Variants in UTRN observed in about 807,000 individuals in gnomAD.
UTRN encodes the protein dystrophin-related protein 1.
In UTRN, 283 loss-of-function variants were observed where a neutral mutation model predicts 463.9. The ratio of observed to expected loss-of-function variants is 0.61; its 90% confidence interval spans 0.55 to 0.67. The LOEUF is 0.67. Ranked by LOEUF, UTRN falls within the 30% of genes least tolerant of loss-of-function variation. The probability of loss-of-function intolerance (pLI) is 0.00; values close to 1 mark genes in which losing one functional copy is unlikely to be tolerated. For synonymous variants in UTRN, 1,442 were observed against 1,431.5 expected (o/e 1.01, Z -0.17); for missense variants, 3,922 against 4,084.3 (o/e 0.96, Z 1.08).
chr6:144,333,794 A>G (rs538823066), intron 2 of UTRN, among the ~76,000 whole-genome samples: 29 of 152,364 alleles, frequency 1.9e-4, no homozygotes, highest in Non-Finnish European at 3.1e-4. Flanking sequence ...ATGGGGAAAA[A>G]GATACACTTA....
At chr6:144,349,767 C>T (rs1777948771) in intron 2 of UTRN, among the ~76,000 whole-genome samples, 1 of 152,188 alleles carries the variant, frequency 6.6e-6, no homozygotes, top group African/African-American at 2.4e-5. Flanking sequence ...CTTGCGTTCT[C>T]TGACCCCTAC....
At chr6:144,435,421 G>A (rs901916422) in intron 9 of UTRN, among the ~76,000 whole-genome samples, 1 of 152,180 alleles carries the variant, frequency 6.6e-6, no homozygotes, top group Non-Finnish European at 1.5e-5. Context: ...ACAGCAGCCT[G>A]TGTGGCTGTC....
intron 4 of UTRN, 90 bp downstream of exon 4, chr6:144,422,060 C>T (rs1305408085): frequency 9.9e-7 from 1 of 1,006,556 alleles, no homozygotes; most frequent in Non-Finnish European, 1.4e-6. Flanking sequence ...GTGAAAGTAT[C>T]CATTTTACTT....
At chr6:144,833,383 G>A (rs866344047) in intron 69 of UTRN, among the ~76,000 whole-genome samples, 2 of 152,086 alleles carry the variant, frequency 1.3e-5, no homozygotes, top group African/African-American at 2.4e-5. Context: ...TTTTTCCACC[G>A]CTGAACATGA....
chr6:144,358,714 T>G (rs917909555), intron 2 of UTRN, among the ~76,000 whole-genome samples: 11 of 152,212 alleles, frequency 7.2e-5, no homozygotes, highest in Admixed American at 7.2e-4. Flanking sequence ...CAAGTGATCC[T>G]CCCACTTCAG....
intron 34 of UTRN, among the ~76,000 whole-genome samples, chr6:144,500,153 A>G (rs1794046064): frequency 6.6e-6 from 1 of 152,174 alleles, no homozygotes; most frequent in Admixed American, 6.5e-5. Flanking sequence ...TGGGTCAGTA[A>G]TCAGAATTCT....
chr6:144,337,771 C>T (rs1005171870), intron 2 of UTRN, among the ~76,000 whole-genome samples: 1 of 152,120 alleles, frequency 6.6e-6, no homozygotes, highest in Non-Finnish European at 1.5e-5. Context: ...CACGCCACCA[C>T]GCCTGGCTAA....
At chr6:144,386,955 G>T (rs1228494533) in intron 2 of UTRN, among the ~76,000 whole-genome samples, 1 of 151,820 alleles carries the variant, frequency 6.6e-6, no homozygotes, top group African/African-American at 2.4e-5. Flanking sequence ...GCTATTTATA[G>T]TAGTAGTTGG....
At chr6:144,532,954 T>C in intron 42 of UTRN, 131 bp from the exon 43 acceptor site, 1 of 483,906 alleles carries the variant, frequency 2.1e-6, no homozygotes, top group South Asian at 5.0e-5. Flanking sequence ...CTTTTTTTTC[T>C]AACATAAAAT....
In UTRN at chr6:144,740,518, A is replaced by G. The variant is rs930778740; in HGVS notation, c.7940-7728A>G. ...GCCTATAGACCACGACAATAATTTC[A>G]TTAGCTTCTCAAGTCCAAATTAGAT... On this transcript the variant is annotated intron_variant, in intron 54 of 74. Transcript: ENST00000367545. Among the ~76,000 whole-genome samples, 2 of 152,332 alleles carry G rather than the reference A, an allele frequency of 1.3e-5. 1 individual carries two copies. The highest frequency in any genetic ancestry group is 3.9e-4 in the East Asian group (2 of 5,188).
chr6:144,714,512 T>C (rs1205133242), intron 53 of UTRN, among the ~76,000 whole-genome samples: 1 of 152,228 alleles, frequency 6.6e-6, no homozygotes, highest in Non-Finnish European at 1.5e-5. Context: ...CACAGGGCTC[T>C]GCTCTTACAA....
chr6:144,498,660 C>CTTTT (rs570731157), intron 33 of UTRN, among the ~76,000 whole-genome samples: 11 of 145,758 alleles, frequency 7.5e-5, no homozygotes, highest in South Asian at 4.3e-4. Context: ...ACATAACAAT[C>CTTTT]TTTTTTTTTT....
intron 52 of UTRN, among the ~76,000 whole-genome samples, chr6:144,696,056 A>C (rs903601561): frequency 6.6e-6 from 1 of 152,218 alleles, no homozygotes; most frequent in African/African-American, 2.4e-5. Flanking sequence ...TCTATTAAAA[A>C]TTCAGGGCAC....
chr6:144,423,732 AT>A, intron 5 of UTRN, 106 bp downstream of exon 5: 2 of 1,336,254 alleles, frequency 1.5e-6, no homozygotes, highest in Non-Finnish European at 2.1e-6. Flanking sequence ...TCTTGCAAAC[AT>A]TTTTTCTTAT....
chr6:144,372,695 G>A (rs919395284), intron 2 of UTRN, among the ~76,000 whole-genome samples: 1 of 151,956 alleles, frequency 6.6e-6, no homozygotes, highest in Non-Finnish European at 1.5e-5. Flanking sequence ...GTAGAGACGT[G>A]TTTCAGCATG....
intron 51 of UTRN, among the ~76,000 whole-genome samples, chr6:144,674,643 G>T (rs1186129760): frequency 6.6e-6 from 1 of 152,016 alleles, no homozygotes; most frequent in Non-Finnish European, 1.5e-5. Flanking sequence ...TGCAACCTCT[G>T]CCTCCCAGGC....
intron 2 of UTRN, among the ~76,000 whole-genome samples, chr6:144,312,672 T>C (rs2114562063): frequency 6.6e-6 from 1 of 152,360 alleles, no homozygotes; most frequent in South Asian, 2.1e-4. Context: ...AGCCTTTTCA[T>C]GGCTAATTGT....
chr6:144,473,364 A>T (rs1318070971), intron 23 of UTRN, among the ~76,000 whole-genome samples: 1 of 152,178 alleles, frequency 6.6e-6, no homozygotes, highest in East Asian at 1.9e-4. Flanking sequence ...TTTAGAGAAA[A>T]ATTGTTCTAA....
chr6:144,700,225 C>A lies in UTRN; in HGVS notation c.7791C>A (p.Leu2597=), dbSNP rs928387641. The A allele has an allele frequency of 4.3e-6, 7 of 1,612,412 alleles. No homozygotes were observed. The African/African-American group carries it at 9.4e-5, about 22-fold the overall frequency. ...PIGGDVPALQ[L]QYDHCKALRR... ...GAGGAGATGTTCCAGCCTTACAGCT[C>A]CAGTATGACCATTGTAAGGTAAGTG... is the stretch of plus-strand genomic sequence containing the variant. Residue 2597 remains leucine, a synonymous_variant, in exon 53 of 75, where the codon CTC becomes CTA. Transcript: ENST00000367545.
Sources: gnomAD v4.1 joint callset for allele counts (sites outside exome capture counted in the v4.1 genomes callset) on GRCh38, gnomAD v4.1.1 for gene constraint, MANE v1.5 for transcripts, NCBI Gene and HGNC (gene_info 2026-07-23, HGNC 2026-07-21) for gene names.